The following EPM2A variants were observed in gnomAD, a reference collection of about 807,000 sequenced individuals.
The protein encoded by EPM2A is laforin.
In EPM2A, 21 loss-of-function variants were observed where a neutral mutation model predicts 26.5. That is an observed-to-expected ratio of 0.79 (90% CI 0.56 to 1.14). EPM2A has a LOEUF of 1.14. EPM2A is among the 50% of genes most tolerant of loss of function. The pLI, the probability that EPM2A is intolerant of heterozygous loss-of-function variation, is 0.00. For missense variants in EPM2A, 458 were observed against 440.8 expected (o/e 1.04, Z -0.35); for synonymous variants, 217 against 177.6 (o/e 1.22, Z -1.76).
intron 4 of EPM2A, among the ~76,000 whole-genome samples, chr6:145,457,431 C>G (rs1398400364): frequency 6.8e-6 from 1 of 148,058 alleles, no homozygotes; most frequent in African/African-American, 2.5e-5. Flanking sequence ...TTGCAGTGAG[C>G]TGAGATCATG....
intron 4 of EPM2A, among the ~76,000 whole-genome samples, chr6:145,451,397 G>A (rs1048076643): frequency 6.6e-6 from 1 of 152,148 alleles, no homozygotes; most frequent in Non-Finnish European, 1.5e-5. Context: ...GGATTTTACT[G>A]CAACATCTCA....
intron 2 of EPM2A, among the ~76,000 whole-genome samples, chr6:145,669,702 A>G (rs1005553447): frequency 6.6e-6 from 1 of 152,198 alleles, no homozygotes; most frequent in Non-Finnish European, 1.5e-5. Flanking sequence ...AAACCCTGGA[A>G]AAAGGCTAGC....
chr6:145,684,080 A>G (rs537279288), intron 2 of EPM2A, among the ~76,000 whole-genome samples: 2 of 152,286 alleles, frequency 1.3e-5, no homozygotes, highest in African/African-American at 4.8e-5. Context: ...ATTCATAAAC[A>G]AGAACAAACT....
At chr6:145,494,515 G>A (rs896177404) in intron 4 of EPM2A, among the ~76,000 whole-genome samples, 5 of 151,956 alleles carry the variant, frequency 3.3e-5, no homozygotes, top group Non-Finnish European at 5.9e-5. Context: ...GTTATTTCTT[G>A]TATTCTGTTA....
intron 2 of EPM2A, among the ~76,000 whole-genome samples, chr6:145,573,501 T>G (rs1780987352): frequency 6.6e-6 from 1 of 152,222 alleles, no homozygotes; most frequent in African/African-American, 2.4e-5. Context: ...GATCCATCTG[T>G]TTTCTGCACA....
intron 2 of EPM2A, among the ~76,000 whole-genome samples, chr6:145,679,286 C>T (rs1307526453): frequency 6.6e-6 from 1 of 151,986 alleles, no homozygotes; most frequent in Admixed American, 6.6e-5. Flanking sequence ...GGCGGGATAT[C>T]ATTAGAAGAA....
chr6:145,699,268 A>G (rs1392509745), intron 1 of EPM2A, among the ~76,000 whole-genome samples: 1 of 152,190 alleles, frequency 6.6e-6, no homozygotes, highest in Non-Finnish European at 1.5e-5. Context: ...TTATGAAAAT[A>G]ATTTTAAAAC....
chr6:145,596,829 C>T (rs1454871182), intron 2 of EPM2A, among the ~76,000 whole-genome samples: 2 of 149,762 alleles, frequency 1.3e-5, no homozygotes, highest in Non-Finnish European at 3.0e-5. Context: ...CATCCTAGGC[C>T]TTCCTACTCT....
chr6:145,615,451 A>G lies in EPM2A; in HGVS notation c.340+19794T>C, dbSNP rs147103629. Among the ~76,000 whole-genome samples the G allele has an allele frequency of 1.6e-3, 246 of 152,202 alleles. 3 individuals are homozygous for G. Among genetic ancestry groups the G allele is most frequent in the African/African-American group, 5.6e-3 (234 of 41,532 alleles). On this transcript the variant is annotated intron_variant, in intron 2 of 3. Transcript: ENST00000450221. ...CAGTCTCGGGTATGTCTTTATTAACAGCACGAAAACAGACTAATACAGTAA... is the reference window on the plus strand; with the variant it reads ...CAGTCTCGGGTATGTCTTTATTAACGGCACGAAAACAGACTAATACAGTAA...
chr6:145,436,127 A>G (rs1364759831), intron 4 of EPM2A, among the ~76,000 whole-genome samples: 1 of 152,234 alleles, frequency 6.6e-6, no homozygotes, highest in East Asian at 1.9e-4. Context: ...AACCACTGGC[A>G]GCCACTGATC....
chr6:145,664,448 A>G (rs1778992552), intron 2 of EPM2A, among the ~76,000 whole-genome samples: 1 of 135,772 alleles, frequency 7.4e-6, no homozygotes, highest in African/African-American at 2.9e-5. Flanking sequence ...GGATCAATTC[A>G]ACAAGAGGAG....
intron 2 of EPM2A, among the ~76,000 whole-genome samples, chr6:145,572,344 G>A (rs935640302): frequency 7.9e-5 from 12 of 152,292 alleles, no homozygotes; most frequent in Middle Eastern, 3.4e-3. Context: ...AAGGCAGGAT[G>A]GCAGGAGTGG....
chr6:145,420,168 C>T (rs985311709), intron 4 of EPM2A, among the ~76,000 whole-genome samples: 2 of 152,054 alleles, frequency 1.3e-5, no homozygotes, highest in African/African-American at 2.4e-5. Flanking sequence ...CATTCATACA[C>T]ATGTAAATCA....
chr6:145,605,802 G>A (rs1272815522), intron 2 of EPM2A, among the ~76,000 whole-genome samples: 2 of 152,094 alleles, frequency 1.3e-5, no homozygotes, highest in African/African-American at 4.8e-5. Context: ...TGGTTAAGAT[G>A]AAATTAAAAG....
At chr6:145,485,012 A>C (rs1304592445) in intron 4 of EPM2A, among the ~76,000 whole-genome samples, 1 of 148,842 alleles carries the variant, frequency 6.7e-6, no homozygotes, top group Non-Finnish European at 1.5e-5. Context: ...TATATTATAT[A>C]TATATACTAA....
intron 2 of EPM2A, among the ~76,000 whole-genome samples, chr6:145,650,304 A>G (rs540891714): frequency 2.1e-4 from 32 of 152,226 alleles, no homozygotes; most frequent in African/African-American, 6.7e-4. Context: ...TAATCCCAGC[A>G]CTTTGGGAGG....
At chr6:145,630,581 C>T (rs1343554733) in intron 3 of EPM2A, 1 of 152,234 alleles carries the variant, frequency 6.6e-6, no homozygotes, top group East Asian at 1.9e-4. Flanking sequence ...TGCCACTGCA[C>T]ACCAGCCTCT....
chr6:145,466,795 A>G (rs1340829900), intron 4 of EPM2A, among the ~76,000 whole-genome samples: 1 of 152,228 alleles, frequency 6.6e-6, no homozygotes, highest in Non-Finnish European at 1.5e-5. Context: ...TATATACACC[A>G]TGGAATACTA....
chr6:145,620,631 A>T (rs9497375), downstream of EPM2A, among the ~76,000 whole-genome samples: 2 of 152,220 alleles, frequency 1.3e-5, no homozygotes, highest in Non-Finnish European at 2.9e-5. Flanking sequence ...TCTCACTAGA[A>T]ATTGATAAAG....
Sources: gnomAD v4.1 joint callset for allele counts (sites outside exome capture counted in the v4.1 genomes callset) on GRCh38, gnomAD v4.1.1 for gene constraint, MANE v1.5 for transcripts, NCBI Gene and HGNC (gene_info 2026-07-23, HGNC 2026-07-21) for gene names.